The following IFIT1 variants were observed in gnomAD, a reference collection of about 807,000 sequenced individuals.
IFIT1 encodes the protein antiviral innate immune response effector IFIT1.
IFIT1 carries 1 observed loss-of-function variant against 2.5 expected under a neutral mutation model. That is an observed-to-expected ratio of 0.40 (90% CI 0.14 to 1.92). The LOEUF (loss-of-function observed/expected upper bound fraction) is 1.92, where lower values mean the gene tolerates loss of function less well. Ranked by LOEUF, IFIT1 falls within the 40% of genes most tolerant of loss-of-function variation. The pLI is 0.31. For synonymous variants in IFIT1, 191 were observed against 201.7 expected (o/e 0.95, Z 0.45); for missense variants, 508 against 557.8 (o/e 0.91, Z 0.90).
At chr10:89,393,021 A>G in intron 1 of IFIT1, 2 of 800,162 alleles carry the variant, frequency 2.5e-6, no homozygotes, top group Non-Finnish European at 1.8e-6. Flanking sequence ...TCCCAATCTG[A>G]GAGATTCTTT....
rs754156662 is a variant in IFIT1, at chr10:89,403,748, A to C, written c.*36A>C. On this transcript the variant is annotated 3_prime_UTR_variant, in exon 2 of 2. Transcript: ENST00000371804. ...ATCAGCCACTTTCACATTTCATTTC[A>C]TTTTATGCTAACATTTACTAATCAT... 8.8e-7 allele frequency: 1 copy of C among 1,131,218 alleles called. No individual in the cohort carries two copies. The highest frequency in any genetic ancestry group is 1.3e-6 in the Non-Finnish European group (1 of 780,442). The allele number at this position is 1,131,218 out of a possible 1,614,324, so 70.1% of individuals were successfully genotyped here. A position where few individuals can be genotyped will look rare whatever the true frequency, so the allele number is the denominator to read the frequency against.
intron 1 of IFIT1, among the ~76,000 whole-genome samples, chr10:89,395,404 T>C (rs540733052): frequency 1.3e-5 from 2 of 152,328 alleles, no homozygotes; most frequent in East Asian, 1.9e-4. Context: ...CCCTTTCCCA[T>C]TGGCCCTGCA....
intron 1 of IFIT1, among the ~76,000 whole-genome samples, chr10:89,394,929 A>C (rs187168390): frequency 5.5e-4 from 83 of 152,198 alleles, no homozygotes; most frequent in African/African-American, 1.8e-3. Context: ...ATATAAATGG[A>C]AACACATACT....
chr10:89,399,483 C>T (rs1379178073), intron 1 of IFIT1, among the ~76,000 whole-genome samples: 1 of 152,022 alleles, frequency 6.6e-6, no homozygotes, highest in African/African-American at 2.4e-5. Context: ...TTTTTCCTTT[C>T]TTCTGAGTTT....
chr10:89,402,547 A>G lies in IFIT1; in HGVS notation c.272A>G (p.Asn91Ser), dbSNP rs1217913047. The change falls in exon 2 of 2, where the codon AAT (asparagine) becomes AGT (serine). Residue 91 changes from asparagine (N) to serine (S), a missense_variant. Transcript: ENST00000371804. ...CAGGAAGAACATGACAACCAAGCAA[A>G]TGTGAGGAGTCTGGTGACCTGGGGC... ...LMQEEHDNQANVRSLVTWGNF... is the reference protein window; with the variant it reads ...LMQEEHDNQASVRSLVTWGNF... 2 of 1,613,988 alleles carry G rather than the reference A, an allele frequency of 1.2e-6. No individual in the cohort carries two copies. Among genetic ancestry groups the G allele is most frequent in the Admixed American group, 3.3e-5 (2 of 60,004 alleles).
chr10:89,395,582 A>G (rs1844330765), intron 1 of IFIT1, among the ~76,000 whole-genome samples: 1 of 152,206 alleles, frequency 6.6e-6, no homozygotes, highest in South Asian at 2.1e-4. Flanking sequence ...GTAGAAATAA[A>G]CTAAACACAG....
At position 89,392,723 on chromosome 10, in the gene IFIT1, G is replaced by A. The variant is rs200031532; in HGVS notation, c.5+6G>A. On this transcript the variant is annotated splice_donor_region_variant and intron_variant, in intron 1 of 1. Coordinates refer to ENST00000371804, the MANE Select transcript of IFIT1 (RefSeq NM_001548.5). ...TAATTTACAGCAACCATGAGGTAAG[G>A]ATTTCTTTGCTCCTCTGCCATAATG... The A allele has an allele frequency of 6.2e-7, 1 of 1,613,968 alleles. No individual in the cohort carries two copies. The highest frequency in any genetic ancestry group is 1.3e-5 in the African/African-American group (1 of 75,010).
Position 89,406,069 on chromosome 10 carries a change from A to G in IFIT1, c.*2357A>G. 6.6e-6 allele frequency: 1 copy of G among 152,208 alleles called. No individual in the cohort carries two copies. The highest frequency in any genetic ancestry group is 2.4e-5 in the African/African-American group (1 of 41,450). The allele number at this position is 152,208 out of a possible 1,614,324, so 9.4% of individuals were successfully genotyped here. On this transcript the variant is annotated 3_prime_UTR_variant, in exon 2 of 2. Coordinates refer to ENST00000371804, the MANE Select transcript of IFIT1 (RefSeq NM_001548.5). ...TATGGCACATCTCACATTAAATGCTATATTTTCGTTGGAAATACATTTTTT... is the reference window on the plus strand; with the variant it reads ...TATGGCACATCTCACATTAAATGCTGTATTTTCGTTGGAAATACATTTTTT...
chr10:89,392,755 G>A (rs759119935), intron 1 of IFIT1, 38 bp downstream of exon 1: 1 of 1,608,892 alleles, frequency 6.2e-7, no homozygotes, highest in Admixed American at 1.7e-5. Flanking sequence ...AATGTCTAAA[G>A]TTTTTGAAAA....
At chr10:89,392,789 A>G (rs1844276721) in intron 1 of IFIT1, 72 bp downstream of exon 1, 1 of 1,493,478 alleles carries the variant, frequency 6.7e-7, no homozygotes, top group Admixed American at 1.7e-5. Context: ...TACTATTTCA[A>G]CAGGTTAGAT....
intron 1 of IFIT1, 94 bp downstream of exon 1, chr10:89,392,811 C>G: frequency 7.5e-7 from 1 of 1,331,744 alleles, no homozygotes; most frequent in South Asian, 1.2e-5. Flanking sequence ...TCAGTGAGGT[C>G]AGGTTTTCTA....
chr10:89,395,427 C>T (rs901639402), intron 1 of IFIT1, among the ~76,000 whole-genome samples: 1 of 152,144 alleles, frequency 6.6e-6, no homozygotes, highest in African/African-American at 2.4e-5. Flanking sequence ...GCATATTACC[C>T]TCTTCTCTCT....
chr10:89,403,163 G>A lies in IFIT1; in HGVS notation c.888G>A (p.Lys296=). The A allele has an allele frequency of 1.9e-6, 3 of 1,613,886 alleles. No homozygotes were observed. Among genetic ancestry groups the A allele is most frequent in the Non-Finnish European group, 2.5e-6 (3 of 1,179,930 alleles). ...LLHHQIGLCY[K]AQMIQIKEAT... Reference sequence around the variant, plus strand: ...ATCACCAGATAGGGCTTTGCTACAAGGCACAAATGATCCAAATCAAGGAGG... The same window carrying A: ...ATCACCAGATAGGGCTTTGCTACAAAGCACAAATGATCCAAATCAAGGAGG... Residue 296 remains lysine, a synonymous_variant, in exon 2 of 2, where the codon AAG becomes AAA. Transcript: ENST00000371804.
chr10:89,403,863 C>A lies in IFIT1; in HGVS notation c.*151C>A. The A allele has an allele frequency of 1.7e-6, 1 of 575,668 alleles. No individual in the cohort carries two copies. The highest frequency in any genetic ancestry group is 2.5e-5 in the South Asian group (1 of 39,890). The allele number at this position is 575,668 out of a possible 1,614,324, so 35.7% of individuals were successfully genotyped here. The stretch of plus-strand genomic sequence containing the variant: ...AATCTGACAAAATATTAGTTGTGTT[C>A]AACAATTAGTGAAACAGAATGTGTG... On this transcript the variant is annotated 3_prime_UTR_variant, in exon 2 of 2. Coordinates refer to ENST00000371804, the MANE Select transcript of IFIT1 (RefSeq NM_001548.5).
At chr10:89,395,377 A>T (rs369525327) in intron 1 of IFIT1, among the ~76,000 whole-genome samples, 1 of 152,208 alleles carries the variant, frequency 6.6e-6, no homozygotes, top group Non-Finnish European at 1.5e-5. Flanking sequence ...TTGAGCAGGC[A>T]TGTCCTCAAT....
At chr10:89,398,280 A>G (rs1844374069) in intron 1 of IFIT1, among the ~76,000 whole-genome samples, 1 of 152,218 alleles carries the variant, frequency 6.6e-6, no homozygotes, top group Non-Finnish European at 1.5e-5. Flanking sequence ...TTGTTTATTT[A>G]TGTTGACCAG....
intron 1 of IFIT1, among the ~76,000 whole-genome samples, chr10:89,400,673 G>T (rs1474737641): frequency 6.6e-6 from 1 of 152,092 alleles, no homozygotes; most frequent in Non-Finnish European, 1.5e-5. Flanking sequence ...AGAATCCTTA[G>T]AATTTTCTAC....
At position 89,393,380 on chromosome 10, in the gene IFIT1, A is replaced by T. The variant is rs1266725210; in HGVS notation, c.5+663A>T. The T allele has an allele frequency of 2.9e-6, 3 of 1,038,390 alleles. 1 individual carries two copies. Among genetic ancestry groups the T allele is most frequent in the Non-Finnish European group, 3.8e-6 (3 of 790,222 alleles). 64.3% of individuals were successfully genotyped at this position (1,038,390 alleles called of 1,614,324 possible). ...TGAAGATGATCCACATCTGCTTGGG[A>T]AGATCCGTATCTTCCTTACCTAAAG... is the stretch of plus-strand genomic sequence containing the variant. On this transcript the variant is annotated intron_variant, in intron 1 of 1. Transcript: ENST00000371804.
At chr10:89,396,475 G>T (rs953791764) in intron 1 of IFIT1, among the ~76,000 whole-genome samples, 1 of 152,048 alleles carries the variant, frequency 6.6e-6, no homozygotes, top group African/African-American at 2.4e-5. Context: ...CTAAACCCAG[G>T]GGGCATCCTC....
Sources: gnomAD v4.1 joint callset for allele counts (sites outside exome capture counted in the v4.1 genomes callset) on GRCh38, gnomAD v4.1.1 for gene constraint, MANE v1.5 for transcripts, NCBI Gene and HGNC (gene_info 2026-07-23, HGNC 2026-07-21) for gene names.